The following GPD2 variants were observed in gnomAD, a reference collection of about 807,000 sequenced individuals.
GPD2 encodes glycerol-3-phosphate dehydrogenase, mitochondrial.
A neutral mutation model predicts 82.4 loss-of-function variants in GPD2; 54 were observed. That is an observed-to-expected ratio of 0.66 (90% CI 0.53 to 0.82). The LOEUF (loss-of-function observed/expected upper bound fraction) is 0.82, where lower values mean the gene tolerates loss of function less well. Ranked by LOEUF, GPD2 falls within the 40% of genes least tolerant of loss-of-function variation. The pLI is 0.00. For synonymous variants in GPD2, 288 were observed against 306.1 expected (o/e 0.94, Z 0.62); for missense variants, 748 against 896.2 (o/e 0.83, Z 2.11).
intron 13 of GPD2, among the ~76,000 whole-genome samples, chr2:156,575,706 C>A (rs1472353050): frequency 6.6e-6 from 1 of 151,948 alleles, no homozygotes; most frequent in Non-Finnish European, 1.5e-5. Context: ...ACACCCGGTC[C>A]TCATTTCCTT....
At chr2:156,582,319 TA>T (rs1368799848) in intron 16 of GPD2, among the ~76,000 whole-genome samples, 2 of 151,984 alleles carry the variant, frequency 1.3e-5, no homozygotes. Context: ...TAAATTACGT[TA>T]AAAAGTCTTT....
At chr2:156,424,966 T>A in the GPD2 span, among the ~76,000 whole-genome samples, 1 of 152,238 alleles carries the variant, frequency 6.6e-6, no homozygotes, top group Admixed American at 6.5e-5. Context: ...TTATTAAGAA[T>A]AGTTTCCTAC....
chr2:156,408,044 T>C, the GPD2 span, among the ~76,000 whole-genome samples: 3 of 143,846 alleles, frequency 2.1e-5, no homozygotes, highest in East Asian at 6.5e-4. Flanking sequence ...TGCCTTGAGG[T>C]CCCCAGGCTC....
chr2:156,428,735 C>T, the GPD2 span, among the ~76,000 whole-genome samples: 2 of 152,186 alleles, frequency 1.3e-5, no homozygotes, highest in Admixed American at 6.5e-5. Flanking sequence ...TTCTACTTTA[C>T]GCCTCCCTAA....
chr2:156,490,474 T>TA, intron 2 of GPD2, among the ~76,000 whole-genome samples: 1 of 152,282 alleles, frequency 6.6e-6, no homozygotes, highest in South Asian at 2.1e-4. Context: ...CTGTATGTTT[T>TA]AAAAAAATAT....
At chr2:156,490,795 T>C (rs2105230539) in intron 2 of GPD2, among the ~76,000 whole-genome samples, 1 of 152,350 alleles carries the variant, frequency 6.6e-6, no homozygotes, top group East Asian at 1.9e-4. Context: ...ATAAAGTTAT[T>C]GTGAGGATTA....
intron 6 of GPD2, among the ~76,000 whole-genome samples, chr2:156,536,462 T>C (rs1481756321): frequency 1.3e-5 from 2 of 152,258 alleles, no homozygotes; most frequent in African/African-American, 2.4e-5. Flanking sequence ...CCTTTGAATT[T>C]GTATCCTCAG....
chr2:156,510,874 G>A lies in GPD2; in HGVS notation c.353G>A (p.Gly118Asp). The A allele has an allele frequency of 6.2e-7, 1 of 1,612,816 alleles. No homozygotes were observed. Among genetic ancestry groups the A allele is most frequent in the Non-Finnish European group, 8.5e-7 (1 of 1,178,826 alleles). ...SSRSTKLIHGGVRYLQKAIMK... is the reference protein window; with the variant it reads ...SSRSTKLIHGDVRYLQKAIMK... ...AGAAGCACTAAATTGATCCATGGTGGTGTGAGATATCTGCAGAAGGCCATC... is the reference window on the plus strand; with the variant it reads ...AGAAGCACTAAATTGATCCATGGTGATGTGAGATATCTGCAGAAGGCCATC... Residue 118 changes from glycine (G) to aspartate (D), a missense_variant, in exon 4 of 17, where the codon GGT becomes GAT. By Grantham distance (94) the Gly-to-Asp change is moderately conservative. Coordinates refer to ENST00000438166, the MANE Select transcript of GPD2 (RefSeq NM_000408.5).
At chr2:156,401,167 C>T in the GPD2 span, among the ~76,000 whole-genome samples, 2 of 152,174 alleles carry the variant, frequency 1.3e-5, no homozygotes, top group Non-Finnish European at 2.9e-5. Context: ...GGGAATCGAA[C>T]CCGGGCCTCC....
rs959879472 is a variant in GPD2, at chr2:156,584,830, A to G, written c.*1912A>G. ...TAAATTGTCCTTTAAAATATCCCAG[A>G]TGATATACACAATATGGTACATTTG... On this transcript the variant is annotated 3_prime_UTR_variant, in exon 17 of 17. Transcript: ENST00000438166. 1 of 152,408 alleles carries G rather than the reference A, an allele frequency of 6.6e-6. No homozygotes were observed. The highest frequency in any genetic ancestry group is 2.4e-5 in the African/African-American group (1 of 41,406). The allele number at this position is 152,408 out of a possible 1,614,324, so 9.4% of individuals were successfully genotyped here.
chr2:156,485,248 A>G (rs1159644953), intron 2 of GPD2, among the ~76,000 whole-genome samples: 2 of 152,220 alleles, frequency 1.3e-5, no homozygotes, highest in African/African-American at 2.4e-5. Context: ...TAAATGTTAA[A>G]ATCAAATAAA....
chr2:156,505,509 A>T (rs1401912867), intron 3 of GPD2, among the ~76,000 whole-genome samples: 1 of 152,232 alleles, frequency 6.6e-6, no homozygotes, highest in East Asian at 1.9e-4. Context: ...ATTGCTTTCC[A>T]TAAAAAGTAG....
At chr2:156,437,389 C>T (rs1681978064) in intron 1 of GPD2, among the ~76,000 whole-genome samples, 1 of 152,120 alleles carries the variant, frequency 6.6e-6, no homozygotes, top group Admixed American at 6.5e-5. Flanking sequence ...TCACACTGGG[C>T]CCAGGCACTT....
chr2:156,496,408 C>T (rs1684381914), intron 3 of GPD2, among the ~76,000 whole-genome samples, 193 bp downstream of exon 3: 1 of 152,098 alleles, frequency 6.6e-6, no homozygotes, highest in Non-Finnish European at 1.5e-5. Context: ...CCAAAGGCCC[C>T]AGTGTGTGTT....
intron 9 of GPD2, among the ~76,000 whole-genome samples, chr2:156,563,930 G>A (rs1429271349): frequency 6.6e-6 from 1 of 152,100 alleles, no homozygotes; most frequent in African/African-American, 2.4e-5. Flanking sequence ...CACATTTCAA[G>A]CGCTTAATAA....
rs1400916155 is a variant in GPD2, at chr2:156,436,466, C to G, written c.-56C>G. On this transcript the variant is annotated 5_prime_UTR_variant, in exon 1 of 17. Coordinates refer to ENST00000438166, the MANE Select transcript of GPD2 (RefSeq NM_000408.5). The stretch of plus-strand genomic sequence containing the variant: ...GCCGACTCCACCCTGGCTGGAGGAA[C>G]TGGGTGCTCCTGCCCGCTGGCCCCT... 6.6e-6 allele frequency: 1 copy of G among 152,278 alleles called. No individual in the cohort carries two copies. Among genetic ancestry groups the G allele is most frequent in the Non-Finnish European group, 1.5e-5 (1 of 68,146 alleles). 9.4% of individuals were successfully genotyped at this position (152,278 alleles called of 1,614,324 possible). A position where few individuals can be genotyped will look rare whatever the true frequency, so the allele number is the denominator to read the frequency against.
intron 1 of GPD2, among the ~76,000 whole-genome samples, chr2:156,442,480 T>C (rs1682208987): frequency 6.6e-6 from 1 of 152,206 alleles, no homozygotes; most frequent in African/African-American, 2.4e-5. Flanking sequence ...AGTACTAGGT[T>C]CTCAAAAGTT....
At chr2:156,404,854 CAA>C in the GPD2 span, among the ~76,000 whole-genome samples, 68 of 120,014 alleles carry the variant, frequency 5.7e-4, no homozygotes, top group African/African-American at 6.0e-4. Flanking sequence ...ACTCCGTCTC[CAA>C]AAAAAAAAAA....
At chr2:156,538,436 A>G (rs943676961) in intron 6 of GPD2, among the ~76,000 whole-genome samples, 2 of 152,034 alleles carry the variant, frequency 1.3e-5, no homozygotes, top group African/African-American at 2.4e-5. Flanking sequence ...TTCCTATGAG[A>G]AGTGAAACAT....
Sources: gnomAD v4.1 joint callset for allele counts (sites outside exome capture counted in the v4.1 genomes callset) on GRCh38, gnomAD v4.1.1 for gene constraint, MANE v1.5 for transcripts, NCBI Gene and HGNC (gene_info 2026-07-23, HGNC 2026-07-21) for gene names.